Variants in FAM3B observed in about 807,000 individuals in gnomAD.
The protein encoded by FAM3B is FAM3 metabolism regulating signaling molecule B, also known as protein FAM3B.
A neutral mutation model predicts 28.4 loss-of-function variants in FAM3B; 29 were observed. The ratio of observed to expected loss-of-function variants is 1.02; its 90% CI spans 0.76 to 1.39. FAM3B has a LOEUF of 1.39. Ranked by LOEUF, FAM3B falls within the 40% of genes most tolerant of loss-of-function variation. The pLI, the probability that FAM3B is intolerant of heterozygous loss-of-function variation, is 0.00. For synonymous variants in FAM3B, 91 were observed against 103.0 expected (o/e 0.88, Z 0.71); for missense variants, 266 against 293.9 (o/e 0.91, Z 0.69).
At chr21:41,318,146 C>A (rs957855415) in intron 1 of FAM3B, among the ~76,000 whole-genome samples, 5 of 152,052 alleles carry the variant, frequency 3.3e-5, no homozygotes, top group Non-Finnish European at 7.4e-5. Flanking sequence ...GGGGTCCTTT[C>A]GTAGGAAGCT....
rs1376611063 is a variant in FAM3B at position 41,338,574 on chromosome 21, C to A, written c.287+73C>A. The A allele has an allele frequency of 3.2e-6, 5 of 1,584,338 alleles. No homozygotes were observed. The South Asian group carries it at 3.4e-5, about 11-fold the overall frequency. On this transcript the variant is annotated intron_variant, in intron 3 of 7. Coordinates refer to ENST00000357985, the MANE Select transcript of FAM3B (RefSeq NM_058186.4). ...TGCCCCTTCCCTGAGGCTGACCAAGCAGCAGTTCTGCCCACAGGAGAGAAC... is the reference window on the plus strand; with the variant it reads ...TGCCCCTTCCCTGAGGCTGACCAAGAAGCAGTTCTGCCCACAGGAGAGAAC...
chr21:41,311,278 A>G (rs866410419), intron 1 of FAM3B, among the ~76,000 whole-genome samples: 2 of 84,986 alleles, frequency 2.4e-5, no homozygotes, highest in Non-Finnish European at 2.2e-5. Flanking sequence ...ATATATATAT[A>G]TATATATATA....
chr21:41,334,848 A>T (rs1196434522), intron 2 of FAM3B, among the ~76,000 whole-genome samples: 2 of 152,372 alleles, frequency 1.3e-5, no homozygotes, highest in East Asian at 3.9e-4. Context: ...TTGTGAGAAC[A>T]GCCTCAGGGA....
intron 1 of FAM3B, among the ~76,000 whole-genome samples, chr21:41,305,888 A>G (rs2088680407): frequency 6.6e-6 from 1 of 152,232 alleles, no homozygotes; most frequent in Non-Finnish European, 1.5e-5. Flanking sequence ...TGCCACATCA[A>G]TTGACAAAAG....
At position 41,326,786 on chromosome 21, in the gene FAM3B, A is replaced by G. The variant is rs2088858529; in HGVS notation, c.163+3720A>G. On this transcript the variant is annotated intron_variant, in intron 2 of 7. Coordinates refer to ENST00000357985, the MANE Select transcript of FAM3B (RefSeq NM_058186.4). This position sits in a 1 kb window ranked among gnomAD's most constrained non-coding sequence, Gnocchi z 4.0. ...GCAGGCCTGTGTAGTAGGCCTGTGT[A>G]CCCTGAGCCCCAGCCCCTGAGGCAG... is the stretch of plus-strand genomic sequence containing the variant. 6.6e-6 allele frequency among the ~76,000 whole-genome samples: 1 copy of G among 152,202 alleles called. No individual in the cohort carries two copies. Among genetic ancestry groups the G allele is most frequent in the Non-Finnish European group, 1.5e-5 (1 of 68,028 alleles).
At chr21:41,340,754 C>G (rs1051032618) in intron 3 of FAM3B, among the ~76,000 whole-genome samples, 17 of 152,112 alleles carry the variant, frequency 1.1e-4, no homozygotes, top group African/African-American at 4.1e-4. Flanking sequence ...CAGAAATCAA[C>G]ATTATGTTTG....
chr21:41,316,820 C>G lies in FAM3B; in HGVS notation c.-60C>G, dbSNP rs1036071098. 3 of 1,420,134 alleles carry G rather than the reference C, an allele frequency of 2.1e-6. No individual in the cohort carries two copies. The highest frequency in any genetic ancestry group is 2.8e-6 in the Non-Finnish European group (3 of 1,089,578). 88.0% of individuals were successfully genotyped at this position (1,420,134 alleles called of 1,614,324 possible). Reference sequence around the variant, plus strand: ...CCTTGCCTTCCTGACCCAGGGGCTCCGCTGGCTGCGGTCGCCTGGGAGCTG... The same window carrying G: ...CCTTGCCTTCCTGACCCAGGGGCTCGGCTGGCTGCGGTCGCCTGGGAGCTG... On this transcript the variant is annotated 5_prime_UTR_variant, in exon 1 of 8. Coordinates refer to ENST00000357985, the MANE Select transcript of FAM3B (RefSeq NM_058186.4).
chr21:41,343,432 C>T (rs1288529275), intron 3 of FAM3B, among the ~76,000 whole-genome samples: 2 of 152,116 alleles, frequency 1.3e-5, no homozygotes, highest in African/African-American at 2.4e-5. Flanking sequence ...ATGAGAAAGT[C>T]GGTTTAGATT....
rs1262843639 is a variant in FAM3B, at chr21:41,357,440, T to C, written c.*243T>C. On this transcript the variant is annotated 3_prime_UTR_variant, in exon 8 of 8. Coordinates refer to ENST00000357985, the MANE Select transcript of FAM3B (RefSeq NM_058186.4). Reference sequence around the variant, plus strand: ...GAATGGAAATTCTTAAAGGGAATGATGTGATTCAAGCTGGAAAGAGGGTTG... The same window carrying C: ...GAATGGAAATTCTTAAAGGGAATGACGTGATTCAAGCTGGAAAGAGGGTTG... The C allele has an allele frequency of 3.0e-6, 1 of 336,964 alleles. No individual in the cohort carries two copies. The highest frequency in any genetic ancestry group is 5.6e-6 in the Non-Finnish European group (1 of 179,640). 20.9% of individuals were successfully genotyped at this position (336,964 alleles called of 1,614,324 possible). A position where few individuals can be genotyped will look rare whatever the true frequency, so the allele number is the denominator to read the frequency against.
chr21:41,340,099 G>A lies in FAM3B; in HGVS notation c.287+1598G>A, dbSNP rs571690411. Among the ~76,000 whole-genome samples the A allele has an allele frequency of 2.0e-5, 3 of 152,008 alleles. No homozygotes were observed. In the East Asian group the frequency reaches 5.8e-4, roughly 29 times the overall value. On this transcript the variant is annotated intron_variant, in intron 3 of 7. Transcript: ENST00000357985. Reference sequence around the variant, plus strand: ...TGTTCAAGGTAGGAGAAGTAGAAGGGTGTCCCAGTTCCAGCAGAAAGAGAG... The same window carrying A: ...TGTTCAAGGTAGGAGAAGTAGAAGGATGTCCCAGTTCCAGCAGAAAGAGAG...
intron 7 of FAM3B, among the ~76,000 whole-genome samples, chr21:41,356,795 A>G (rs2089171627): frequency 6.6e-6 from 1 of 152,258 alleles, no homozygotes; most frequent in Non-Finnish European, 1.5e-5. Context: ...ATTTCAAAAT[A>G]AAGGAGAATA....
chr21:41,349,312 G>A (rs950880659), intron 7 of FAM3B, among the ~76,000 whole-genome samples: 4 of 152,176 alleles, frequency 2.6e-5, no homozygotes, highest in African/African-American at 9.7e-5. Flanking sequence ...GGAGTAACAA[G>A]CTGAGCATCC....
At chr21:41,322,540 A>G (rs192256040) in intron 1 of FAM3B, 22 of 711,010 alleles carry the variant, frequency 3.1e-5, no homozygotes, top group Non-Finnish European at 5.0e-5. Flanking sequence ...AGCGTGCTCA[A>G]ATCCAGTTGT....
upstream of FAM3B, among the ~76,000 whole-genome samples, chr21:41,314,031 T>A (rs1032274670): frequency 1.3e-5 from 2 of 152,198 alleles, no homozygotes; most frequent in African/African-American, 2.4e-5. Flanking sequence ...ATTCATAGGT[T>A]GAAGCCCTAA....
intron 6 of FAM3B, 68 bp from the exon 7 acceptor site, chr21:41,348,524 C>T: frequency 6.3e-7 from 1 of 1,575,710 alleles, no homozygotes; most frequent in East Asian, 2.2e-5. Flanking sequence ...GTAACACATC[C>T]AGAGCAGAGT....
chr21:41,345,628 A>G (rs531471530), intron 4 of FAM3B, 58 bp from the exon 5 acceptor site: 1 of 1,048,554 alleles, frequency 9.5e-7, no homozygotes, highest in South Asian at 1.7e-5. Context: ...CCCTGGTGCC[A>G]CAAGTGCGCC....
At position 41,322,939 on chromosome 21, in the gene FAM3B, G is replaced by A. The variant is rs1568913091; in HGVS notation, c.36G>A (p.Val12=). 1.2e-6 allele frequency: 2 copies of A among 1,613,926 alleles called. No individual in the cohort carries two copies. The highest frequency in any genetic ancestry group is 2.2e-5 in the East Asian group (1 of 44,870). The change falls in exon 2 of 8, where the codon GTG becomes GTA. Residue 12 remains valine (V), a synonymous_variant. Coordinates refer to ENST00000357985, the MANE Select transcript of FAM3B (RefSeq NM_058186.4). ...TCTCTGCAGGCCTGCTCAAGGTGGT[G>A]TTCGTGGTCTTCGCCTCCTTGTGTG... ...RPLAGGLLKV[V]FVVFASLCAW...
At chr21:41,356,929 CATCT>C (rs1299569730) in intron 7 of FAM3B, among the ~76,000 whole-genome samples, 175 bp from the exon 8 acceptor site, 2 of 152,044 alleles carry the variant, frequency 1.3e-5, no homozygotes, top group Non-Finnish European at 2.9e-5. Context: ...AAAATATGTA[CATCT>C]ATTATATATT....
upstream of FAM3B, among the ~76,000 whole-genome samples, chr21:41,314,870 G>C (rs1157789413): frequency 6.6e-6 from 1 of 151,946 alleles, no homozygotes; most frequent in East Asian, 1.9e-4. Context: ...ATGGAAAACA[G>C]TATGGTGATT....
Sources: allele counts gnomAD v4.1 joint callset (sites outside exome capture counted in the v4.1 genomes callset), GRCh38; gene constraint gnomAD v4.1.1; non-coding constraint Gnocchi (gnomAD v3.1); transcripts MANE v1.5; gene names NCBI Gene and HGNC (gene_info 2026-07-23, HGNC 2026-07-21).